TYMS: variants seen among roughly 807,000 people sequenced by gnomAD.
TYMS encodes thymidylate synthetase, also known as thymidylate synthase.
TYMS carries 21 observed loss-of-function variants against 39.3 expected under a neutral mutation model. The observed-to-expected ratio is 0.54, with a 90% CI of 0.38 to 0.77. TYMS has a LOEUF of 0.77. Ranked by LOEUF, TYMS falls within the 30% of genes least tolerant of loss-of-function variation. The pLI is 0.00. For missense variants in TYMS, 273 were observed against 406.7 expected (o/e 0.67, Z 2.83); for synonymous variants, 171 against 162.2 (o/e 1.05, Z -0.41).
At chr18:659,429 G>A (rs565315813) in intron 1 of TYMS, among the ~76,000 whole-genome samples, 8 of 152,214 alleles carry the variant, frequency 5.3e-5, no homozygotes, top group Admixed American at 3.3e-4. Flanking sequence ...ACTGGTCACC[G>A]GGGCACAGAA....
intron 2 of TYMS, among the ~76,000 whole-genome samples, chr18:661,857 T>C (rs921781649): frequency 6.6e-6 from 1 of 152,206 alleles, no homozygotes; most frequent in African/African-American, 2.4e-5. Context: ...TAGTGGCGCA[T>C]GCCTGTAATC....
intron 3 of TYMS, 63 bp from the exon 4 acceptor site, chr18:669,009 G>A (rs575637886): frequency 3.6e-6 from 5 of 1,395,824 alleles, no homozygotes; most frequent in South Asian, 1.2e-5. Context: ...TGACCTCTAA[G>A]GCCATCTCAT....
At chr18:671,784 TC>T (rs1247614705) in intron 6 of TYMS, 1 of 239,862 alleles carries the variant, frequency 4.2e-6, no homozygotes, top group African/African-American at 4.3e-5. Flanking sequence ...TTTTTCCTTT[TC>T]TTTTTTTTTT....
At chr18:666,986 G>GAGA (rs2074843443) in intron 3 of TYMS, among the ~76,000 whole-genome samples, 1 of 7,862 alleles carries the variant, frequency 1.3e-4, no homozygotes, top group East Asian at 4.2e-3. Context: ...GATGGAGATG[G>GAGA]TGATGGTGAT....
intron 3 of TYMS, among the ~76,000 whole-genome samples, chr18:666,974 GAGATGGAGATGGT>G (rs1322707373): frequency 0.015 from 127 of 8,604 alleles, 3 homozygotes; most frequent in Non-Finnish European, 0.028. Context: ...GATGGTGATG[GAGATGGAGATGGT>G]GATGGTGATG....
At chr18:669,835 A>C (rs1427504894) in intron 4 of TYMS, among the ~76,000 whole-genome samples, 1 of 151,230 alleles carries the variant, frequency 6.6e-6, no homozygotes, top group Admixed American at 6.6e-5. Flanking sequence ...GGTGGCTCAC[A>C]CCTGTAATTC....
At chr18:667,545 GGT>G (rs1453062322) in intron 3 of TYMS, among the ~76,000 whole-genome samples, 1 of 90,630 alleles carries the variant, frequency 1.1e-5, no homozygotes, top group East Asian at 4.1e-4. Context: ...TGATGGTGAT[GGT>G]GATGGAGATG....
At chr18:671,194 G>T in intron 5 of TYMS, 186 bp from the exon 6 acceptor site, 1 of 619,974 alleles carries the variant, frequency 1.6e-6, no homozygotes, top group Non-Finnish European at 2.8e-6. Context: ...AATTGCTTGA[G>T]GTCTGGAGTT....
chr18:669,918 C>G (rs555599736), intron 4 of TYMS, among the ~76,000 whole-genome samples: 13 of 151,882 alleles, frequency 8.6e-5, no homozygotes, highest in African/African-American at 2.9e-4. Context: ...GTCATGATCA[C>G]GCCATTGCAC....
Position 673,143 on chromosome 18 carries a change from T to C in TYMS, c.*146T>C. On this transcript the variant is annotated 3_prime_UTR_variant, in exon 7 of 7. Transcript: ENST00000323274. The stretch of plus-strand genomic sequence containing the variant: ...TATCAGTTATTAATTTTTAAGGATG[T>C]TGCCACTGGCAAATGTAACTGTGCC... The C allele has an allele frequency of 1.2e-6, 1 of 867,534 alleles. No individual in the cohort carries two copies. The highest frequency in any genetic ancestry group is 1.7e-6 in the Non-Finnish European group (1 of 603,204). 53.7% of individuals were successfully genotyped at this position (867,534 alleles called of 1,614,324 possible). A position where few individuals can be genotyped will look rare whatever the true frequency, so the allele number is the denominator to read the frequency against.
chr18:670,109 T>C (rs1428211531), intron 4 of TYMS, among the ~76,000 whole-genome samples: 1 of 151,518 alleles, frequency 6.6e-6, no homozygotes, highest in African/African-American at 2.4e-5. Flanking sequence ...AGTGGTGTGA[T>C]CTCCGCTCAC....
chr18:666,957 A>T (rs373128618), intron 3 of TYMS, among the ~76,000 whole-genome samples: 8,998 of 20,588 alleles, frequency 0.44, 1,290 homozygotes, highest in Non-Finnish European at 0.46. Flanking sequence ...ATGGTGATGG[A>T]GATGGAGATG....
At chr18:668,039 C>T (rs2074891536) in intron 3 of TYMS, among the ~76,000 whole-genome samples, 1 of 126,382 alleles carries the variant, frequency 7.9e-6, no homozygotes, top group Non-Finnish European at 1.6e-5. Context: ...CCTGGACACA[C>T]TACCCAGTTT....
chr18:670,208 C>G (rs1242608220), intron 4 of TYMS: 1 of 153,346 alleles, frequency 6.5e-6, no homozygotes, highest in South Asian at 2.0e-4. Flanking sequence ...GTATTTTTAG[C>G]AGAGACGGGG....
Position 670,742 on chromosome 18 carries a change from G to A in TYMS, c.607G>A (p.Val203Met). 6.2e-7 allele frequency: 1 copy of A among 1,614,150 alleles called. No homozygotes were observed. The highest frequency in any genetic ancestry group is 8.5e-7 in the Non-Finnish European group (1 of 1,180,028). Reference protein sequence around the residue: ...PPCHALCQFYVVNSELSCQLY... With the variant: ...PPCHALCQFYMVNSELSCQLY... ...ATGCCATGCCCTCTGCCAGTTCTAT[G>A]TGGTGAACAGTGAGCTGTCCTGCCA... is the stretch of plus-strand genomic sequence containing the variant. The change falls in exon 5 of 7, where the codon GTG (valine) becomes ATG (methionine). Residue 203 changes from valine to methionine, a missense_variant. Transcript: ENST00000323274.
At chr18:667,364 A>T (rs200580810) in intron 3 of TYMS, among the ~76,000 whole-genome samples, 243 of 8,316 alleles carry the variant, frequency 0.029, 31 homozygotes, top group East Asian at 0.065. Flanking sequence ...ATGGTGATGG[A>T]GATGGTGATG....
intron 2 of TYMS, 86 bp downstream of exon 2, chr18:659,800 G>A (rs1298760729): frequency 4.1e-6 from 5 of 1,224,766 alleles, no homozygotes; most frequent in African/African-American, 1.5e-5. Flanking sequence ...AAGCAGCCAG[G>A]TGTGGTGGCT....
chr18:660,281 C>T lies in TYMS; in HGVS notation c.279+567C>T, dbSNP rs2074743829. On this transcript the variant is annotated intron_variant, in intron 2 of 6. Coordinates refer to ENST00000323274, the MANE Select transcript of TYMS (RefSeq NM_001071.4). The surrounding 1 kb of genome is among the most constrained non-coding windows in gnomAD (Gnocchi z 4.6). ...CACTCCCTGGAACCTTCTTCCCCCA[C>T]ACTTGGCTTCTTCCTTTGAGTCTCT... is the stretch of plus-strand genomic sequence containing the variant. Among the ~76,000 whole-genome samples, 1 of 152,184 alleles carries T rather than the reference C, an allele frequency of 6.6e-6. No homozygotes were observed. Among genetic ancestry groups the T allele is most frequent in the African/African-American group, 2.4e-5 (1 of 41,450 alleles).
intron 3 of TYMS, among the ~76,000 whole-genome samples, chr18:667,992 ATTTT>A (rs60409589): frequency 7.6e-5 from 8 of 105,360 alleles, no homozygotes; most frequent in African/African-American, 1.8e-4. Context: ...ATTCACAGGA[ATTTT>A]TTTTTTTTTT....
Sources: allele counts gnomAD v4.1 joint callset (sites outside exome capture counted in the v4.1 genomes callset), GRCh38; gene constraint gnomAD v4.1.1; non-coding constraint Gnocchi (gnomAD v3.1); transcripts MANE v1.5; gene names NCBI Gene and HGNC (gene_info 2026-07-23, HGNC 2026-07-21).